NOP56: variants seen among roughly 807,000 people sequenced by gnomAD.
NOP56 encodes the protein nucleolar protein 56.
NOP56 carries 31 observed loss-of-function variants against 58.3 expected under a neutral mutation model. That is an observed-to-expected ratio of 0.53 (90% CI 0.40 to 0.72). The LOEUF (loss-of-function observed/expected upper bound fraction) is 0.72. Ranked by LOEUF, NOP56 falls within the 30% of genes least tolerant of loss-of-function variation. The pLI, the probability that NOP56 is intolerant of heterozygous loss-of-function variation, is 0.00. For synonymous variants in NOP56, 313 were observed against 282.8 expected, an observed-to-expected ratio of 1.11 and a Z score of -1.07; for missense variants, 669 against 739.9, an observed-to-expected ratio of 0.90 and a Z score of 1.11.
At position 2,652,648 on chromosome 20, in the gene NOP56, G is replaced by A. The variant is rs771391326; in HGVS notation, c.-13G>A. The A allele has an allele frequency of 4.2e-6, 6 of 1,423,488 alleles. No homozygotes were observed. The highest frequency in any genetic ancestry group is 3.1e-5 in the South Asian group (2 of 64,382). 88.2% of individuals were successfully genotyped at this position (1,423,488 alleles called of 1,614,324 possible). On this transcript the variant is annotated 5_prime_UTR_variant, in exon 1 of 12. Coordinates refer to ENST00000329276, the MANE Select transcript of NOP56 (RefSeq NM_006392.4). ...GCTAGCCGCATTGCGAGCCGAACCC[G>A]GGAGCTGGCGCCATGGTGAGGAGTG...
rs766107367 is a variant in NOP56 at position 2,658,004 on chromosome 20, C to T, written c.1495C>T (p.Pro499Ser). The change falls in exon 12 of 12, where the codon CCA (proline) becomes TCA (serine). Residue 499 changes from proline to serine, a missense_variant. Physicochemically the swap from Pro to Ser is moderately conservative, Grantham distance 74. Around this residue, in one of 3 missense-constraint regions of NOP56, gnomAD observed 209 missense variants for 196.2 expected, o/e 1.07. Transcript: ENST00000329276. ...TCCTCAGGAGAATGGAATGGAAGAC[C>T]CATCTATCTCTTTCTCCAAACCCAA... Reference protein sequence around the residue: ...EVPQENGMEDPSISFSKPKKK... With the variant: ...EVPQENGMEDSSISFSKPKKK... The T allele has an allele frequency of 6.8e-5, 110 of 1,611,878 alleles. No homozygotes were observed. Among genetic ancestry groups the T allele is most frequent in the Non-Finnish European group, 9.1e-5 (107 of 1,178,324 alleles).
chr20:2,654,799 G>A lies in NOP56; in HGVS notation c.421G>A (p.Ala141Thr), dbSNP rs150444414. ...NLVKGLTDLS[A>T]CKAQLGLGHS... ...GGTGAAGGGTCTGACCGATCTGTCA[G>A]CTTGTAAAGCACAGCTGGGGCTGGG... is the stretch of plus-strand genomic sequence containing the variant. The change falls in exon 5 of 12, where the codon GCT (alanine) becomes ACT (threonine). Residue 141 changes from alanine to threonine, a missense_variant. Physicochemically the swap from Ala to Thr is moderately conservative, Grantham distance 58. Transcript: ENST00000329276. 2.5e-4 allele frequency: 411 copies of A among 1,614,200 alleles called. No individual in the cohort carries two copies. The highest frequency in any genetic ancestry group is 3.3e-4 in the Middle Eastern group (2 of 6,060).
chr20:2,655,963 C>T lies in NOP56; in HGVS notation c.939C>T (p.Gly313=). 1 of 1,614,218 alleles carries T rather than the reference C, an allele frequency of 6.2e-7. No homozygotes were observed. The highest frequency in any genetic ancestry group is 8.5e-7 in the Non-Finnish European group (1 of 1,180,036). The change falls in exon 8 of 12, where the codon GGC becomes GGT. Residue 313 remains glycine (G), a synonymous_variant. Coordinates refer to ENST00000329276, the MANE Select transcript of NOP56 (RefSeq NM_006392.4). ...GTGCACGTCTCATCGCACATGCTGG[C>T]AGCCTCACCAACCTGGCCAAGTATC... is the stretch of plus-strand genomic sequence containing the variant. ...AVGARLIAHA[G]SLTNLAKYPA... is the part of the protein sequence containing the mutation.
Position 2,658,381 on chromosome 20 carries a change from CAA to C in NOP56, c.*89_*90del, listed in dbSNP as rs1417094202. ...CCTGTGCCGTGTTCCCCAATAAAAA[CAA>C]ATTCACAAGAGTTGGTTCATGTTCT... is the stretch of plus-strand genomic sequence containing the variant. On this transcript the variant is annotated 3_prime_UTR_variant, in exon 12 of 12. Coordinates refer to ENST00000329276, the MANE Select transcript of NOP56 (RefSeq NM_006392.4). The C allele has an allele frequency of 2.4e-5, 39 of 1,610,274 alleles. No homozygotes were observed. The highest frequency in any genetic ancestry group is 1.1e-5 in the Non-Finnish European group (13 of 1,178,318).
chr20:2,658,341 G>T lies in NOP56; in HGVS notation c.*47G>T. On this transcript the variant is annotated 3_prime_UTR_variant, in exon 12 of 12. Coordinates refer to ENST00000329276, the MANE Select transcript of NOP56 (RefSeq NM_006392.4). ...GGAGGTGGGGCATACCATAGCCCAA[G>T]GTGACATTTCCCACCCTGTGCCGTG... 1 of 1,605,086 alleles carries T rather than the reference G, an allele frequency of 6.2e-7. No individual in the cohort carries two copies. Among genetic ancestry groups the T allele is most frequent in the Non-Finnish European group, 8.5e-7 (1 of 1,175,728 alleles).
intron 7 of NOP56, 80 bp downstream of exon 7, chr20:2,655,826 C>T (rs768203212): frequency 2.6e-4 from 415 of 1,610,466 alleles, no homozygotes; most frequent in Non-Finnish European, 3.4e-4. Flanking sequence ...CGTGACCCAC[C>T]ATGTCTTCCC....
rs749002795 is a variant in NOP56, at chr20:2,658,264, A to G, written c.1755A>G (p.Lys585=). Reference sequence around the variant, plus strand: ...GCAAGAGCAGCTCCAAGAAGAAGAAAAAGTTCCATAAAGCATCCCAGGAAG... The same window carrying G: ...GCAAGAGCAGCTCCAAGAAGAAGAAGAAGTTCCATAAAGCATCCCAGGAAG... ...AVGKSSSKKK[K]KFHKASQED is the part of the protein sequence containing the mutation. The change falls in exon 12 of 12, where the codon AAA becomes AAG. Residue 585 remains lysine, a synonymous_variant. Transcript: ENST00000329276. The G allele has an allele frequency of 1.8e-5, 29 of 1,595,038 alleles. No homozygotes were observed. The highest frequency in any genetic ancestry group is 2.0e-5 in the Non-Finnish European group (23 of 1,171,020).
At chr20:2,656,353 TG>T in intron 8 of NOP56, 47 bp from the exon 9 acceptor site, 4 of 1,612,434 alleles carry the variant, frequency 2.5e-6, no homozygotes, top group South Asian at 1.1e-5. Flanking sequence ...CCTTGGCTAA[TG>T]GGGTTGAAAT....
Position 2,655,976 on chromosome 20 carries a change from C to T in NOP56, c.952C>T (p.Leu318=). The T allele has an allele frequency of 6.2e-7, 1 of 1,614,204 alleles. No homozygotes were observed. The highest frequency in any genetic ancestry group is 8.5e-7 in the Non-Finnish European group (1 of 1,180,038). The change falls in exon 8 of 12, where the codon CTG becomes TTG. Residue 318 remains leucine, a synonymous_variant. Coordinates refer to ENST00000329276, the MANE Select transcript of NOP56 (RefSeq NM_006392.4). ...CGCACATGCTGGCAGCCTCACCAACCTGGCCAAGTATCCAGCATCCACAGT... is the reference window on the plus strand; with the variant it reads ...CGCACATGCTGGCAGCCTCACCAACTTGGCCAAGTATCCAGCATCCACAGT... The part of the protein sequence containing the change: ...LIAHAGSLTN[L]AKYPASTVQI...
At chr20:2,657,325 ACTGAAACAAGGAC>A (rs750534004) in intron 11 of NOP56, 107 bp downstream of exon 11, 42 of 1,512,498 alleles carry the variant, frequency 2.8e-5, no homozygotes, top group Non-Finnish European at 3.6e-5. Flanking sequence ...AGGCTTTTGG[ACTGAAACAAGGAC>A]CTGAAACATC....
chr20:2,655,669 C>T lies in NOP56; in HGVS notation c.832C>T (p.Arg278Cys), dbSNP rs773959398. ...TCGTGTGGTGTCTTTATCTGAATAC[C>T]GCCAGAGCCTACACACTTACCTGCG... ...SSRVVSLSEY[R>C]QSLHTYLRSK... The change falls in exon 7 of 12, where the codon CGC becomes TGC. Residue 278 changes from arginine to cysteine, a missense_variant. Transcript: ENST00000329276. The T allele has an allele frequency of 1.3e-5, 21 of 1,614,046 alleles. No individual in the cohort carries two copies. Among genetic ancestry groups the T allele is most frequent in the African/African-American group, 2.7e-5 (2 of 74,920 alleles).
intron 9 of NOP56, 52 bp from the exon 10 acceptor site, chr20:2,656,722 G>A (rs765528168): frequency 1.2e-6 from 2 of 1,613,888 alleles, no homozygotes; most frequent in Non-Finnish European, 1.7e-6. Flanking sequence ...ACACAGGGTT[G>A]GGGTAGTTTC....
At chr20:2,656,254 T>C (rs1338918444) in intron 8 of NOP56, 147 bp from the exon 9 acceptor site, 1 of 1,605,950 alleles carries the variant, frequency 6.2e-7, no homozygotes, top group African/African-American at 1.3e-5. Context: ...CTCTGGGAGC[T>C]ATGGGTTGGC....
chr20:2,654,168 G>A (rs2086786800), intron 3 of NOP56: 1 of 720,310 alleles, frequency 1.4e-6, no homozygotes, highest in Non-Finnish European at 2.6e-6. Flanking sequence ...GCCCACTTGT[G>A]CTATCAGACC....
chr20:2,654,100 G>A, intron 3 of NOP56: 1 of 561,178 alleles, frequency 1.8e-6, no homozygotes, highest in Non-Finnish European at 3.5e-6. Context: ...AAAAGGTTTG[G>A]TTCCAGAAGG....
chr20:2,655,584 G>GT lies in NOP56; in HGVS notation c.758-6dup. 1.9e-6 allele frequency: 3 copies of GT among 1,614,142 alleles called. No homozygotes were observed. Among genetic ancestry groups the GT allele is most frequent in the Non-Finnish European group, 2.5e-6 (3 of 1,180,030 alleles). On this transcript the variant is annotated splice_polypyrimidine_tract_variant and intron_variant, in intron 6 of 11. Coordinates refer to ENST00000329276, the MANE Select transcript of NOP56 (RefSeq NM_006392.4). ...AGCTGGCCTCTTGCATTCACACTTGGTTTTTCCTAGGCATGGACATATCTG... is the reference window on the plus strand; with the variant it reads ...AGCTGGCCTCTTGCATTCACACTTGGTTTTTTCCTAGGCATGGACATATCTG...
intron 11 of NOP56, chr20:2,657,541 G>C: frequency 3.7e-6 from 2 of 544,120 alleles, no homozygotes; most frequent in Non-Finnish European, 6.8e-6. Flanking sequence ...GGAGGTGGTC[G>C]TGTTTCACAG....
intron 3 of NOP56, chr20:2,653,885 C>A (rs1284336983): frequency 3.2e-6 from 1 of 312,626 alleles, no homozygotes; most frequent in South Asian, 2.7e-5. Flanking sequence ...CATCTCCTGA[C>A]CTCGTGATCC....
At position 2,656,490 on chromosome 20, in the gene NOP56, G is replaced by A. The variant is rs2086819006; in HGVS notation, c.1100G>A (p.Arg367His). ...IGRAAAKNKG[R>H]ISRYLANKCS... is the part of the protein sequence containing the mutation. ...CGAGCAGCTGCCAAGAACAAAGGCC[G>A]CATCTCCCGATACCTGGCAAACAAA... Residue 367 changes from arginine to histidine, a missense_variant, in exon 9 of 12, where the codon CGC becomes CAC. Transcript: ENST00000329276. 3.7e-6 allele frequency: 6 copies of A among 1,613,928 alleles called. No individual in the cohort carries two copies. Among genetic ancestry groups the A allele is most frequent in the Non-Finnish European group, 3.4e-6 (4 of 1,180,030 alleles).
Sources: allele counts gnomAD v4.1 joint callset, GRCh38; gene constraint gnomAD v4.1.1; regional missense constraint gnomAD v4.1.1; transcripts MANE v1.5; gene names NCBI Gene and HGNC (gene_info 2026-07-23, HGNC 2026-07-21).